The following SLCO6A1 variants were observed in gnomAD, a reference collection of about 807,000 sequenced individuals.
SLCO6A1 encodes solute carrier organic anion transporter family member 6A1, also known as cancer/testis antigen 48.
Under a neutral mutation model 72.7 loss-of-function variants are expected in SLCO6A1, and 65 were observed. That is an observed-to-expected ratio of 0.89 (90% CI 0.73 to 1.10). SLCO6A1 has a LOEUF of 1.10. SLCO6A1 is among the 50% of genes least tolerant of loss of function. SLCO6A1 has a pLI of 0.00. For synonymous variants in SLCO6A1, 314 were observed against 298.2 expected (o/e 1.05, Z -0.55); for missense variants, 874 against 872.6 (o/e 1.00, Z -0.02).
chr5:102,447,865 C>T (rs1233037117), intron 6 of SLCO6A1, among the ~76,000 whole-genome samples: 1 of 151,966 alleles, frequency 6.6e-6, no homozygotes, highest in African/African-American at 2.4e-5. Flanking sequence ...TTCTCATCTG[C>T]GTTTTGTTCA....
chr5:102,459,877 G>GGC, intron 4 of SLCO6A1, 100 bp from the exon 5 acceptor site: 3 of 1,006,410 alleles, frequency 3.0e-6, no homozygotes. Flanking sequence ...GAGAGAGGGA[G>GGC]GGTTGGAGAG....
chr5:102,414,979 A>G (rs1748203482), intron 8 of SLCO6A1, among the ~76,000 whole-genome samples: 1 of 151,972 alleles, frequency 6.6e-6, no homozygotes, highest in African/African-American at 2.4e-5. Flanking sequence ...AGGTCCAAAA[A>G]GTAAAATACC....
At chr5:102,398,975 T>C (rs980510625) in intron 10 of SLCO6A1, among the ~76,000 whole-genome samples, 1 of 152,106 alleles carries the variant, frequency 6.6e-6, no homozygotes, top group African/African-American at 2.4e-5. Context: ...TTAAAGTTTT[T>C]TGTTAGCGTC....
chr5:102,393,874 T>C (rs1258193561), intron 10 of SLCO6A1, among the ~76,000 whole-genome samples: 2 of 152,164 alleles, frequency 1.3e-5, no homozygotes, highest in Non-Finnish European at 2.9e-5. Context: ...AGATACATCA[T>C]GATTCTTTTC....
At chr5:102,446,710 C>T (rs969025746) in intron 6 of SLCO6A1, among the ~76,000 whole-genome samples, 25 of 151,944 alleles carry the variant, frequency 1.6e-4, no homozygotes, top group Admixed American at 1.6e-3. Context: ...ATAGATGACT[C>T]TTATTTTGAG....
intron 6 of SLCO6A1, among the ~76,000 whole-genome samples, chr5:102,456,074 G>A (rs910836204): frequency 6.6e-6 from 1 of 151,968 alleles, no homozygotes; most frequent in Non-Finnish European, 1.5e-5. Context: ...GCTAAAAACT[G>A]TCAATAAATT....
At chr5:102,387,078 A>C (rs942229252) in intron 12 of SLCO6A1, among the ~76,000 whole-genome samples, 1 of 152,182 alleles carries the variant, frequency 6.6e-6, no homozygotes, top group African/African-American at 2.4e-5. Context: ...TGGATGGTCA[A>C]ATAAATGTTT....
Position 102,389,456 on chromosome 5 carries a change from C to CTCCA in SLCO6A1, c.1880-632_1880-631insTGGA, listed in dbSNP as rs1554065638. 3.7e-5 allele frequency among the ~76,000 whole-genome samples: 3 copies of CTCCA among 81,852 alleles called. 1 individual carries two copies. Among genetic ancestry groups the CTCCA allele is most frequent in the Admixed American group, 2.5e-4 (2 of 7,866 alleles). The allele number at this position is 81,852 out of a possible 152,430, so 53.7% of individuals were successfully genotyped here. ...CAGTCACACACCCCGCCCCCCACCC[C>CTCCA]CACACACACAGAGTTGCCCCCAAAC... is the stretch of plus-strand genomic sequence containing the variant. On this transcript the variant is annotated intron_variant, in intron 11 of 13. Transcript: ENST00000506729.
rs945736132 is a variant in SLCO6A1 at position 102,490,845 on chromosome 5, AGAGT to A, written c.358+7638_358+7641del. 2.3e-4 allele frequency among the ~76,000 whole-genome samples: 35 copies of A among 152,270 alleles called. 1 individual carries two copies. Among genetic ancestry groups the A allele is most frequent in the African/African-American group, 8.2e-4 (34 of 41,556 alleles). Reference sequence around the variant, plus strand: ...GCTCATAAAGGCAGTGTGGACCCAAAGAGTGAGCAGCAGTAGGATTTACTGCAGA... The same window carrying A: ...GCTCATAAAGGCAGTGTGGACCCAAAGAGCAGCAGTAGGATTTACTGCAGA... On this transcript the variant is annotated intron_variant, in intron 1 of 13. Transcript: ENST00000506729.
At chr5:102,417,345 T>C (rs1748339480) in intron 8 of SLCO6A1, among the ~76,000 whole-genome samples, 1 of 152,174 alleles carries the variant, frequency 6.6e-6, no homozygotes, top group East Asian at 1.9e-4. Context: ...TTTAATGTGA[T>C]TACTAATATG....
chr5:102,377,454 G>C (rs976817141), intron 12 of SLCO6A1, among the ~76,000 whole-genome samples: 1 of 151,954 alleles, frequency 6.6e-6, no homozygotes, highest in African/African-American at 2.4e-5. Context: ...TCTGAAAGGA[G>C]TCTATCTGAA....
intron 6 of SLCO6A1, among the ~76,000 whole-genome samples, chr5:102,448,508 C>A: frequency 6.6e-6 from 1 of 152,138 alleles, no homozygotes. Flanking sequence ...TTATCTAAGT[C>A]TCTTCATAAG....
At chr5:102,423,332 T>C (rs1047481933) in intron 7 of SLCO6A1, among the ~76,000 whole-genome samples, 1 of 151,916 alleles carries the variant, frequency 6.6e-6, no homozygotes, top group Non-Finnish European at 1.5e-5. Context: ...GAATGGCAAA[T>C]TGGAAAAACA....
chr5:102,389,452 AC>A lies in SLCO6A1; in HGVS notation c.1880-628del, dbSNP rs1203152155. Among the ~76,000 whole-genome samples the A allele has an allele frequency of 4.0e-4, 23 of 58,084 alleles. 1 individual carries two copies. The highest frequency in any genetic ancestry group is 1.4e-3 in the African/African-American group (19 of 13,814). The allele number at this position is 58,084 out of a possible 152,430, so 38.1% of individuals were successfully genotyped here. A position where few individuals can be genotyped will look rare whatever the true frequency, so the allele number is the denominator to read the frequency against. ...TGAACAGTCACACACCCCGCCCCCC[AC>A]CCCCACACACACAGAGTTGCCCCCA... On this transcript the variant is annotated intron_variant, in intron 11 of 13. Transcript: ENST00000506729.
At chr5:102,462,183 G>T (rs1751072858) in intron 4 of SLCO6A1, among the ~76,000 whole-genome samples, 1 of 152,062 alleles carries the variant, frequency 6.6e-6, no homozygotes, top group Admixed American at 6.6e-5. Flanking sequence ...TAACCAAGGA[G>T]GTGAAAGACC....
chr5:102,427,381 G>A (rs1157176825), intron 7 of SLCO6A1, among the ~76,000 whole-genome samples: 1 of 152,082 alleles, frequency 6.6e-6, no homozygotes, highest in Non-Finnish European at 1.5e-5. Context: ...TTCAAAAGCA[G>A]TCACTCACAT....
intron 4 of SLCO6A1, among the ~76,000 whole-genome samples, chr5:102,469,581 A>G (rs1486176269): frequency 6.6e-6 from 1 of 152,152 alleles, no homozygotes; most frequent in Non-Finnish European, 1.5e-5. Flanking sequence ...GGTTTTCTGA[A>G]CATACAATCA....
At chr5:102,384,043 A>G (rs1454287980) in intron 12 of SLCO6A1, among the ~76,000 whole-genome samples, 2 of 151,756 alleles carry the variant, frequency 1.3e-5, no homozygotes, top group Non-Finnish European at 3.0e-5. Flanking sequence ...TCTTTCATTT[A>G]TAATTTTATT....
chr5:102,453,337 CA>C (rs34076015), intron 6 of SLCO6A1, among the ~76,000 whole-genome samples: 85,637 of 136,380 alleles, frequency 0.63, 25,103 homozygotes, highest in Non-Finnish European at 0.67. Context: ...GACCCTGCCT[CA>C]AAAAAAAAAA....
Sources: gnomAD v4.1 joint callset for allele counts (sites outside exome capture counted in the v4.1 genomes callset) on GRCh38, gnomAD v4.1.1 for gene constraint, MANE v1.5 for transcripts, NCBI Gene and HGNC (gene_info 2026-07-23, HGNC 2026-07-21) for gene names.